NRF1: variants seen among roughly 807,000 people sequenced by gnomAD.
The protein encoded by NRF1 is alpha palindromic-binding protein.
In NRF1, 5 loss-of-function variants were observed where a neutral mutation model predicts 58.5. That is an observed-to-expected ratio of 0.09 (90% confidence interval 0.04 to 0.18). The LOEUF is 0.18. NRF1 is among the 10% of genes least tolerant of loss of function. The pLI is 1.00. For missense variants in NRF1, 288 were observed against 657.7 expected, an observed-to-expected ratio of 0.44 and a Z score of 6.15; for synonymous variants, 224 against 246.7, an observed-to-expected ratio of 0.91 and a Z score of 0.86.
chr7:129,629,033 T>C (rs1315405216), intron 1 of NRF1, among the ~76,000 whole-genome samples: 1 of 152,234 alleles, frequency 6.6e-6, no homozygotes, highest in Admixed American at 6.5e-5. Flanking sequence ...CTGTAGCAGA[T>C]ACAAGTTTTC....
intron 10 of NRF1, among the ~76,000 whole-genome samples, chr7:129,738,756 ATCT>A (rs1803780297): frequency 1.3e-5 from 2 of 152,194 alleles, no homozygotes; most frequent in Admixed American, 6.5e-5. Context: ...AGTAGAATAG[ATCT>A]TCTGAGCCCT....
At chr7:129,675,878 G>GC (rs1284136578) in intron 3 of NRF1, among the ~76,000 whole-genome samples, 20 of 152,144 alleles carry the variant, frequency 1.3e-4, no homozygotes, top group African/African-American at 4.1e-4. Context: ...TTGAAACCTG[G>GC]CATTGACTTC....
chr7:129,735,434 G>A (rs1187188369), intron 10 of NRF1: 1 of 165,020 alleles, frequency 6.1e-6, no homozygotes, highest in African/African-American at 2.4e-5. Context: ...GGAGGCTGAG[G>A]CAGGAGAATC....
intron 5 of NRF1, among the ~76,000 whole-genome samples, chr7:129,703,898 A>C (rs1400576788): frequency 6.6e-6 from 1 of 152,062 alleles, no homozygotes; most frequent in Non-Finnish European, 1.5e-5. Flanking sequence ...AGCCTCTAGG[A>C]TCATCTTCCT....
At chr7:129,717,407 A>T in intron 9 of NRF1, 31 bp downstream of exon 9, 1 of 1,582,334 alleles carries the variant, frequency 6.3e-7, no homozygotes, top group East Asian at 2.3e-5. Context: ...ATAAGTGAGG[A>T]TCGCAAATCT....
intron 7 of NRF1, 150 bp from the exon 8 acceptor site, chr7:129,711,325 T>A (rs894291366): frequency 7.0e-6 from 4 of 571,274 alleles, no homozygotes; most frequent in African/African-American, 1.9e-5. Flanking sequence ...GAACTATGAT[T>A]TTAGTGAGCT....
intron 10 of NRF1, among the ~76,000 whole-genome samples, chr7:129,738,369 T>TGAACA (rs956070275): frequency 2.0e-5 from 3 of 152,356 alleles, no homozygotes; most frequent in Admixed American, 6.5e-5. Context: ...TCCTGGGAAC[T>TGAACA]GTATGTGGTG....
chr7:129,685,561 G>A (rs939512985), intron 4 of NRF1, among the ~76,000 whole-genome samples: 1 of 26,952 alleles, frequency 3.7e-5, no homozygotes, highest in South Asian at 6.5e-4. Flanking sequence ...ATTCAAGTGT[G>A]TGTGTGTGTG....
intron 2 of NRF1, among the ~76,000 whole-genome samples, chr7:129,657,830 C>G (rs2151075952): frequency 6.6e-6 from 1 of 152,208 alleles, no homozygotes; most frequent in South Asian, 2.1e-4. Context: ...AGGTTGGCCT[C>G]AAAGTCCTGG....
chr7:129,624,234 T>C (rs989759734), intron 1 of NRF1, among the ~76,000 whole-genome samples: 3 of 152,200 alleles, frequency 2.0e-5, no homozygotes, highest in Non-Finnish European at 4.4e-5. Flanking sequence ...CCCTCTTTTT[T>C]GCGTTTTTCC....
At chr7:129,716,463 TA>T (rs1269069540) in intron 8 of NRF1, among the ~76,000 whole-genome samples, 1 of 152,210 alleles carries the variant, frequency 6.6e-6, no homozygotes, top group Non-Finnish European at 1.5e-5. Flanking sequence ...TATATATTTT[TA>T]AACTTTATTA....
rs1239763793 is a variant in NRF1 at position 129,756,329 on chromosome 7, G to A, written c.*1148G>A. ...GTGATCTTGGAAGCTAAGCTTGGTTGGGCCCGGTCAGTACGCGGAAGGGAA... is the reference window on the plus strand; with the variant it reads ...GTGATCTTGGAAGCTAAGCTTGGTTAGGCCCGGTCAGTACGCGGAAGGGAA... On this transcript the variant is annotated 3_prime_UTR_variant, in exon 11 of 11. Coordinates refer to ENST00000393232, the MANE Select transcript of NRF1 (RefSeq NM_005011.5). 6.6e-6 allele frequency: 1 copy of A among 152,260 alleles called. No homozygotes were observed. Among genetic ancestry groups the A allele is most frequent in the Non-Finnish European group, 1.5e-5 (1 of 68,104 alleles). The allele number at this position is 152,260 out of a possible 1,614,324, so 9.4% of individuals were successfully genotyped here.
At chr7:129,726,378 A>G (rs1227689473) in intron 9 of NRF1, among the ~76,000 whole-genome samples, 1 of 152,220 alleles carries the variant, frequency 6.6e-6, no homozygotes, top group African/African-American at 2.4e-5. Flanking sequence ...TTGTAGCATC[A>G]TAGAATCAAG....
chr7:129,735,366 C>T (rs1233401790), intron 10 of NRF1: 3 of 320,658 alleles, frequency 9.4e-6, no homozygotes, highest in South Asian at 1.2e-4. Flanking sequence ...CCTGTCTATA[C>T]TAAAAATATA....
intron 1 of NRF1, among the ~76,000 whole-genome samples, chr7:129,626,756 C>T (rs1026415300): frequency 3.3e-5 from 5 of 151,696 alleles, no homozygotes; most frequent in Middle Eastern, 3.4e-3. Context: ...CATCTTTATT[C>T]TCCTTCTGTG....
intron 1 of NRF1, among the ~76,000 whole-genome samples, chr7:129,629,424 C>G (rs1367794630): frequency 3.9e-5 from 6 of 152,282 alleles, no homozygotes; most frequent in Middle Eastern, 3.4e-3. Flanking sequence ...GTTACAGCTG[C>G]CACCACACGC....
chr7:129,735,647 C>G lies in NRF1; in HGVS notation c.1348+8282C>G, dbSNP rs537856040. 2.0e-5 allele frequency among the ~76,000 whole-genome samples: 3 copies of G among 152,332 alleles called. No homozygotes were observed. In the South Asian group the frequency reaches 6.2e-4, roughly 32 times the overall value. ...TCCTCAGGGTAGCGTGTCCCACGTT[C>G]TGGGCTGGTCCTGGCAACAGTCTTG... On this transcript the variant is annotated intron_variant, in intron 10 of 10. Transcript: ENST00000393232.
At chr7:129,673,710 C>G (rs1426612084) in intron 3 of NRF1, among the ~76,000 whole-genome samples, 1 of 107,766 alleles carries the variant, frequency 9.3e-6, no homozygotes, top group Non-Finnish European at 1.9e-5. Context: ...GAGCGAGACT[C>G]CGTCTCAAAA....
At chr7:129,701,108 CAATT>C (rs1484142508) in intron 5 of NRF1, among the ~76,000 whole-genome samples, 17 of 151,952 alleles carry the variant, frequency 1.1e-4, no homozygotes, top group African/African-American at 2.2e-4. Flanking sequence ...ATTTATATGA[CAATT>C]AATATCCAGA....
Sources: gnomAD v4.1 joint callset for allele counts (sites outside exome capture counted in the v4.1 genomes callset) on GRCh38, gnomAD v4.1.1 for gene constraint, MANE v1.5 for transcripts, NCBI Gene and HGNC (gene_info 2026-07-23, HGNC 2026-07-21) for gene names.